The following MGMT variants were observed in gnomAD, a reference collection of about 807,000 sequenced individuals.
The protein encoded by MGMT is methylated-DNA--protein-cysteine methyltransferase.
Under a neutral mutation model 15.9 loss-of-function variants are expected in MGMT, and 14 were observed. That is an observed-to-expected ratio of 0.88 (90% CI 0.58 to 1.37). The LOEUF is 1.37. Among genes scored for constraint, MGMT ranks in the 40% most tolerant of loss-of-function variants. MGMT has a pLI of 0.00. For missense variants in MGMT, 282 were observed against 268.1 expected (o/e 1.05, Z -0.36); for synonymous variants, 130 against 118.2 (o/e 1.10, Z -0.65).
intron 4 of MGMT, among the ~76,000 whole-genome samples, chr10:129,763,241 C>T (rs942374987): frequency 1.3e-5 from 2 of 152,118 alleles, no homozygotes; most frequent in Non-Finnish European, 2.9e-5. Flanking sequence ...TTTTATGCAG[C>T]ACATGCTTTA....
At chr10:129,650,744 C>T (rs562390943) in intron 2 of MGMT, among the ~76,000 whole-genome samples, 4 of 152,246 alleles carry the variant, frequency 2.6e-5, no homozygotes, top group South Asian at 2.1e-4. Context: ...TTACCCTTCT[C>T]GGTCACACAC....
intron 2 of MGMT, among the ~76,000 whole-genome samples, chr10:129,624,239 C>T (rs1009793428): frequency 4.9e-4 from 75 of 152,344 alleles, no homozygotes; most frequent in African/African-American, 1.6e-3. Context: ...ACCTCACTCA[C>T]GGCAGATTTC....
At chr10:129,542,067 T>C (rs946788083) in intron 2 of MGMT, among the ~76,000 whole-genome samples, 2 of 152,220 alleles carry the variant, frequency 1.3e-5, no homozygotes, top group Non-Finnish European at 2.9e-5. Flanking sequence ...GAGAGTTGTC[T>C]GATGTCATTG....
chr10:129,699,174 G>C (rs535667171), intron 2 of MGMT, among the ~76,000 whole-genome samples: 15 of 152,106 alleles, frequency 9.9e-5, no homozygotes, highest in Admixed American at 3.3e-4. Context: ...ACATTTGGAG[G>C]GGGGAGGTAA....
chr10:129,507,017 A>AT (rs1845632542), intron 1 of MGMT, among the ~76,000 whole-genome samples: 1 of 152,162 alleles, frequency 6.6e-6, no homozygotes, highest in Non-Finnish European at 1.5e-5. Flanking sequence ...GTTACTTGAG[A>AT]TCCCCAAACC....
intron 2 of MGMT, among the ~76,000 whole-genome samples, chr10:129,611,126 G>T (rs939665467): frequency 2.0e-5 from 3 of 152,180 alleles, no homozygotes; most frequent in African/African-American, 7.2e-5. Context: ...AATAGACTCA[G>T]ATGCAGAATT....
chr10:129,714,978 G>C (rs759059811), intron 3 of MGMT, among the ~76,000 whole-genome samples: 17 of 152,250 alleles, frequency 1.1e-4, no homozygotes, highest in Admixed American at 3.9e-4. Flanking sequence ...CTGAATGTAA[G>C]AGGTGGCCAG....
chr10:129,638,340 T>C (rs951736013), intron 2 of MGMT, among the ~76,000 whole-genome samples: 12 of 144,432 alleles, frequency 8.3e-5, no homozygotes, highest in African/African-American at 2.8e-4. Context: ...CAGGAAGAAG[T>C]AGTTGAAGAA....
intron 2 of MGMT, among the ~76,000 whole-genome samples, chr10:129,687,748 G>T (rs1289301278): frequency 1.3e-5 from 2 of 150,758 alleles, no homozygotes; most frequent in Admixed American, 1.3e-4. Flanking sequence ...TGCACAACGT[G>T]CAGGTTTGTT....
chr10:129,605,305 C>T (rs1235976795), intron 2 of MGMT, among the ~76,000 whole-genome samples: 6 of 152,272 alleles, frequency 3.9e-5, no homozygotes, highest in Non-Finnish European at 5.9e-5. Context: ...CTACTATTTG[C>T]GGTCCTTGAT....
At chr10:129,558,111 G>C (rs1051985886) in intron 2 of MGMT, among the ~76,000 whole-genome samples, 4 of 152,166 alleles carry the variant, frequency 2.6e-5, no homozygotes, top group African/African-American at 7.2e-5. Flanking sequence ...CCCCCTGTGC[G>C]CCCGGGGTCA....
intron 2 of MGMT, among the ~76,000 whole-genome samples, chr10:129,612,756 G>A (rs1311828229): frequency 2.6e-5 from 4 of 152,186 alleles, no homozygotes; most frequent in Non-Finnish European, 4.4e-5. Context: ...AGAGAAAAAC[G>A]AAACATGTCA....
At chr10:129,593,879 G>A (rs570681963) in intron 2 of MGMT, among the ~76,000 whole-genome samples, 1 of 152,238 alleles carries the variant, frequency 6.6e-6, no homozygotes, top group African/African-American at 2.4e-5. Flanking sequence ...GCAAATGTCG[G>A]CAGAGAAGGT....
At chr10:129,527,090 G>A (rs1034881314) in intron 1 of MGMT, among the ~76,000 whole-genome samples, 6 of 152,222 alleles carry the variant, frequency 3.9e-5, no homozygotes, top group South Asian at 2.1e-4. Flanking sequence ...GTGCTTCGCC[G>A]GAGTGGGAAG....
intron 2 of MGMT, among the ~76,000 whole-genome samples, chr10:129,624,618 G>A (rs693402): frequency 0.47 from 71,342 of 151,988 alleles, 17,441 homozygotes; most frequent in East Asian, 0.62. Flanking sequence ...TTTATCCAAG[G>A]GAAGGCAGAG....
intron 3 of MGMT, among the ~76,000 whole-genome samples, chr10:129,730,411 A>G (rs979307688): frequency 6.6e-6 from 1 of 152,092 alleles, no homozygotes; most frequent in African/African-American, 2.4e-5. Flanking sequence ...GTGCCCTGTG[A>G]GTCTGGGATT....
At chr10:129,637,726 T>TA (rs1847278226) in intron 2 of MGMT, among the ~76,000 whole-genome samples, 1 of 152,102 alleles carries the variant, frequency 6.6e-6, no homozygotes, top group South Asian at 2.1e-4. Context: ...CTAGTGTCCT[T>TA]ATAAGAAGAG....
intron 3 of MGMT, among the ~76,000 whole-genome samples, chr10:129,713,524 T>G (rs1366209207): frequency 1.3e-5 from 2 of 152,072 alleles, no homozygotes; most frequent in African/African-American, 4.8e-5. Context: ...AGTAGGATTG[T>G]CCGATGTCTG....
intron 2 of MGMT, among the ~76,000 whole-genome samples, chr10:129,604,596 C>T (rs1247020692): frequency 6.6e-6 from 1 of 151,552 alleles, no homozygotes; most frequent in African/African-American, 2.4e-5. Context: ...TCTGAGGACA[C>T]GTGGAGGAGC....
Sources: gnomAD v4.1 joint callset for allele counts (sites outside exome capture counted in the v4.1 genomes callset) on GRCh38, gnomAD v4.1.1 for gene constraint, MANE v1.5 for transcripts, NCBI Gene and HGNC (gene_info 2026-07-23, HGNC 2026-07-21) for gene names.